The following GLB1 variants were observed in gnomAD, a reference collection of about 807,000 sequenced individuals.
GLB1 encodes the protein galactosidase beta 1.
Under a neutral mutation model 74.0 loss-of-function variants are expected in GLB1, and 56 were observed. The ratio of observed to expected loss-of-function variants is 0.76; its 90% confidence interval spans 0.61 to 0.94. The LOEUF (loss-of-function observed/expected upper bound fraction) is 0.94. GLB1 is among the 40% of genes least tolerant of loss of function. The probability of loss-of-function intolerance (pLI) is 0.00; values close to 1 mark genes in which losing one functional copy is unlikely to be tolerated. For missense variants in GLB1, 787 were observed against 845.5 expected (o/e 0.93, Z 0.86); for synonymous variants, 323 against 323.6 (o/e 1.00, Z 0.02).
the GLB1 span, among the ~76,000 whole-genome samples, chr3:32,984,792 T>A: frequency 0.022 from 3,281 of 151,362 alleles, 123 homozygotes; most frequent in African/African-American, 0.073. Context: ...AAATACAAAA[T>A]TTAGCTGGGT....
In GLB1 at chr3:33,014,317, AG is replaced by A. The variant is rs757882979; in HGVS notation, c.1480-8del. The A allele has an allele frequency of 5.6e-6, 9 of 1,613,510 alleles. No homozygotes were observed. The South Asian group carries it at 9.9e-5, about 18-fold the overall frequency. Reference sequence around the variant, plus strand: ...TCAGGTTAGAAACCAAACCCTGCAAAGCAGAAACAGAGCACAGTGAGCTGGG... The same window carrying A: ...TCAGGTTAGAAACCAAACCCTGCAAACAGAAACAGAGCACAGTGAGCTGGG... On this transcript the variant is annotated splice_region_variant and splice_polypyrimidine_tract_variant and intron_variant, in intron 14 of 15. Coordinates refer to ENST00000307363, the MANE Select transcript of GLB1 (RefSeq NM_000404.4).
chr3:33,092,812 A>T, intron 1 of GLB1: 2 of 1,569,750 alleles, frequency 1.3e-6, no homozygotes, highest in Non-Finnish European at 1.7e-6. Flanking sequence ...GGCAGGGCAG[A>T]GGTGCACAGG....
At chr3:32,975,568 A>C in the GLB1 span, among the ~76,000 whole-genome samples, 3 of 152,212 alleles carry the variant, frequency 2.0e-5, no homozygotes, top group African/African-American at 7.2e-5. Context: ...ATTTCTATAC[A>C]AAGATGGATT....
At position 33,021,701 on chromosome 3, in the gene GLB1, G is replaced by T. The variant is rs1697492657; in HGVS notation, c.1144-46C>A. ...CATTCACACACTGCACCCCTCACTG[G>T]TCATCAGGTTACAGAGTCATTCCCT... On this transcript the variant is annotated intron_variant, in intron 11 of 15. Transcript: ENST00000307363. 5 of 1,590,658 alleles carry T rather than the reference G, an allele frequency of 3.1e-6. No homozygotes were observed. The South Asian group carries it at 5.6e-5, about 18-fold the overall frequency.
In GLB1 at chr3:33,055,219, T is replaced by C. The variant is rs575165369; in HGVS notation, c.734-1670A>G. 2.0e-5 allele frequency among the ~76,000 whole-genome samples: 3 copies of C among 152,234 alleles called. No individual in the cohort carries two copies. In the South Asian group the frequency reaches 6.2e-4, roughly 32 times the overall value. On this transcript the variant is annotated intron_variant, in intron 6 of 15. Coordinates refer to ENST00000307363, the MANE Select transcript of GLB1 (RefSeq NM_000404.4). ...TGCCCCAGGCACCCTGGCCTTGTGG[T>C]TGTCTATTCTCCAACCCCTAGCAGT...
At chr3:32,993,528 T>TA (rs1380931762), downstream of GLB1, among the ~76,000 whole-genome samples, 3 of 128,138 alleles carry the variant, frequency 2.3e-5, no homozygotes, top group African/African-American at 8.9e-5. Context: ...GCTAATTTTT[T>TA]TTTTTTTTTT....
intron 6 of GLB1, among the ~76,000 whole-genome samples, chr3:33,057,614 CA>C (rs1699271061): frequency 6.6e-6 from 1 of 152,202 alleles, no homozygotes; most frequent in South Asian, 2.1e-4. Flanking sequence ...TGCAGAAAGA[CA>C]ACAAAGCATA....
intron 2 of GLB1, among the ~76,000 whole-genome samples, chr3:33,072,119 T>C (rs1227029540): frequency 6.6e-6 from 1 of 152,230 alleles, no homozygotes; most frequent in African/African-American, 2.4e-5. Flanking sequence ...GCTGCCTGCA[T>C]GCCTTCCCTT....
At chr3:33,030,755 A>G (rs1249488653) in intron 10 of GLB1, 2 of 985,294 alleles carry the variant, frequency 2.0e-6, no homozygotes, top group African/African-American at 3.5e-5. Flanking sequence ...CACTTGATTA[A>G]TTTCTACAGT....
chr3:32,992,349 G>T (rs114828579), downstream of GLB1, among the ~76,000 whole-genome samples: 1,229 of 152,336 alleles, frequency 8.1e-3, 17 homozygotes, highest in African/African-American at 0.028. Flanking sequence ...TGAACACAAA[G>T]GGATGCAGGG....
intron 15 of GLB1, among the ~76,000 whole-genome samples, chr3:33,013,750 G>T (rs1252849526): frequency 6.6e-6 from 1 of 152,096 alleles, no homozygotes; most frequent in Non-Finnish European, 1.5e-5. Context: ...TGACTGGATT[G>T]TCCTCAAGAT....
At chr3:33,096,757 C>T in intron 1 of GLB1, 1 of 1,315,948 alleles carries the variant, frequency 7.6e-7, no homozygotes, top group African/African-American at 1.6e-5. Context: ...GAAGTGGATC[C>T]AAGCGCAAAG....
chr3:33,015,729 T>C (rs1447529463), intron 14 of GLB1, among the ~76,000 whole-genome samples: 2 of 152,178 alleles, frequency 1.3e-5, no homozygotes, highest in African/African-American at 2.4e-5. Context: ...GAGACATTTA[T>C]ACTGGAGGCA....
downstream of GLB1, among the ~76,000 whole-genome samples, chr3:32,996,100 C>T (rs918123640): frequency 2.0e-5 from 3 of 152,294 alleles, no homozygotes; most frequent in South Asian, 2.1e-4. Context: ...GGTAAACCGG[C>T]AGGATGACAG....
the GLB1 span, among the ~76,000 whole-genome samples, chr3:32,975,546 G>A: frequency 3.9e-5 from 6 of 152,164 alleles, no homozygotes; most frequent in Non-Finnish European, 7.4e-5. Flanking sequence ...CCAGTACAGG[G>A]GCAACTTCAA....
At chr3:33,032,080 G>A (rs1013682815) in intron 10 of GLB1, among the ~76,000 whole-genome samples, 2 of 152,084 alleles carry the variant, frequency 1.3e-5, no homozygotes, top group Non-Finnish European at 2.9e-5. Flanking sequence ...TTACACACGT[G>A]AGCCACTGAG....
At chr3:32,987,514 G>T in the GLB1 span, among the ~76,000 whole-genome samples, 118 of 152,282 alleles carry the variant, frequency 7.7e-4, no homozygotes, top group African/African-American at 2.2e-3. Flanking sequence ...AAGACAGAAT[G>T]CCTGGCTGCC....
chr3:33,010,000 G>A (rs1696955793), intron 15 of GLB1, among the ~76,000 whole-genome samples: 1 of 152,130 alleles, frequency 6.6e-6, no homozygotes, highest in African/African-American at 2.4e-5. Context: ...CACTTGTCAG[G>A]TGATAGACAT....
intron 10 of GLB1, chr3:33,034,201 C>T: frequency 1.6e-6 from 1 of 638,932 alleles, no homozygotes; most frequent in Non-Finnish European, 2.9e-6. Context: ...GCTAGGTCCC[C>T]CATGACTACG....
Sources: gnomAD v4.1 joint callset for allele counts (sites outside exome capture counted in the v4.1 genomes callset) on GRCh38, gnomAD v4.1.1 for gene constraint, MANE v1.5 for transcripts, NCBI Gene and HGNC (gene_info 2026-07-23, HGNC 2026-07-21) for gene names.